Variants in MALRD1 observed in about 807,000 individuals in gnomAD.
The protein encoded by MALRD1 is MAM and LDL-receptor class A domain-containing protein 1.
A neutral mutation model predicts 242.1 loss-of-function variants in MALRD1; 247 were observed. The ratio of observed to expected loss-of-function variants is 1.02; its 90% CI spans 0.92 to 1.13. The LOEUF is 1.13. Ranked by LOEUF, MALRD1 falls within the 50% of genes most tolerant of loss-of-function variation. The probability of loss-of-function intolerance (pLI) is 0.00; values close to 1 mark genes in which losing one functional copy is unlikely to be tolerated. For synonymous variants in MALRD1, 995 were observed against 866.6 expected, an observed-to-expected ratio of 1.15 and a Z score of -2.60; for missense variants, 2,989 against 2,533.1, an observed-to-expected ratio of 1.18 and a Z score of -3.86.
chr10:19,477,977 C>T (rs568380917), intron 29 of MALRD1, among the ~76,000 whole-genome samples: 8 of 152,278 alleles, frequency 5.3e-5, no homozygotes, highest in South Asian at 2.1e-4. Flanking sequence ...GCACAGTTGC[C>T]GGCATTCGCC....
chr10:19,563,427 C>T (rs564576253), intron 32 of MALRD1, among the ~76,000 whole-genome samples: 1 of 152,252 alleles, frequency 6.6e-6, no homozygotes, highest in East Asian at 1.9e-4. Context: ...TAAGCAGTAA[C>T]TCACTTCATT....
intron 28 of MALRD1, among the ~76,000 whole-genome samples, chr10:19,423,087 C>A (rs553796750): frequency 6.6e-6 from 1 of 152,050 alleles, no homozygotes; most frequent in Non-Finnish European, 1.5e-5. Flanking sequence ...TGATATTAAC[C>A]AAAAAATGTG....
chr10:19,270,877 G>A (rs942039528), intron 19 of MALRD1, among the ~76,000 whole-genome samples: 2 of 150,990 alleles, frequency 1.3e-5, no homozygotes, highest in African/African-American at 4.9e-5. Flanking sequence ...CACTGCACCA[G>A]ATTCTGCAGT....
chr10:19,702,783 G>C (rs1441369997), intron 38 of MALRD1, among the ~76,000 whole-genome samples: 1 of 151,656 alleles, frequency 6.6e-6, no homozygotes, highest in Non-Finnish European at 1.5e-5. Context: ...CCAAAACCTT[G>C]AGATACACAG....
intron 36 of MALRD1, among the ~76,000 whole-genome samples, chr10:19,673,298 A>G (rs1842004114): frequency 6.6e-6 from 1 of 152,188 alleles, no homozygotes; most frequent in Non-Finnish European, 1.5e-5. Flanking sequence ...GAGGCAGGAG[A>G]ATGGGGTAAA....
chr10:19,568,548 T>C (rs1002331899), intron 33 of MALRD1, among the ~76,000 whole-genome samples: 1 of 152,100 alleles, frequency 6.6e-6, no homozygotes, highest in South Asian at 2.1e-4. Flanking sequence ...GCCTGCTTCC[T>C]CAGGAAGTCA....
At chr10:19,426,141 A>G (rs1005762702) in intron 28 of MALRD1, among the ~76,000 whole-genome samples, 3 of 152,194 alleles carry the variant, frequency 2.0e-5, no homozygotes, top group African/African-American at 7.2e-5. Context: ...TATGCCAAGC[A>G]TCATGTTAGA....
At chr10:19,535,510 C>T (rs1441142704) in intron 32 of MALRD1, among the ~76,000 whole-genome samples, 2 of 148,350 alleles carry the variant, frequency 1.3e-5, no homozygotes, top group African/African-American at 2.5e-5. Context: ...TATATATACA[C>T]ATATATACAT....
chr10:19,200,138 T>G (rs1156734372), intron 14 of MALRD1, among the ~76,000 whole-genome samples: 2 of 151,998 alleles, frequency 1.3e-5, no homozygotes, highest in Non-Finnish European at 2.9e-5. Context: ...AAAAGAATAA[T>G]AAAATAAAAC....
chr10:19,343,755 C>A (rs775596144), intron 24 of MALRD1, among the ~76,000 whole-genome samples: 1 of 152,086 alleles, frequency 6.6e-6, no homozygotes, highest in Admixed American at 6.6e-5. Flanking sequence ...TTTTCCAGAG[C>A]GATTGCATCG....
intron 38 of MALRD1, among the ~76,000 whole-genome samples, chr10:19,697,145 G>GAGAGAA (rs1015742550): frequency 6.6e-6 from 1 of 152,012 alleles, no homozygotes; most frequent in South Asian, 2.1e-4. Flanking sequence ...TAGAGACAGA[G>GAGAGAA]AGAGAAAGAG....
At chr10:19,195,370 G>C (rs549756213) in intron 14 of MALRD1, among the ~76,000 whole-genome samples, 1 of 151,936 alleles carries the variant, frequency 6.6e-6, no homozygotes, top group Non-Finnish European at 1.5e-5. Context: ...TGGCTCTGAC[G>C]TCTAGACCTT....
intron 18 of MALRD1, among the ~76,000 whole-genome samples, chr10:19,217,294 T>A (rs1837361380): frequency 6.6e-6 from 1 of 152,206 alleles, no homozygotes; most frequent in African/African-American, 2.4e-5. Flanking sequence ...GATTCCTGTG[T>A]GCCATAAATT....
intron 19 of MALRD1, among the ~76,000 whole-genome samples, chr10:19,273,532 G>C (rs1396554167): frequency 6.6e-6 from 1 of 152,116 alleles, no homozygotes; most frequent in Non-Finnish European, 1.5e-5. Context: ...ATCACATCCA[G>C]ATAAAAATAT....
At chr10:19,285,121 T>G (rs1187556836) in intron 21 of MALRD1, among the ~76,000 whole-genome samples, 5 of 139,882 alleles carry the variant, frequency 3.6e-5, no homozygotes, top group Admixed American at 2.2e-4. Flanking sequence ...CTTGTAAATT[T>G]GTTTGAGTTC....
At chr10:19,321,690 G>A (rs184182139) in intron 21 of MALRD1, among the ~76,000 whole-genome samples, 1 of 152,108 alleles carries the variant, frequency 6.6e-6, no homozygotes, top group East Asian at 1.9e-4. Flanking sequence ...GTAAACTATA[G>A]TCACTCTACT....
intron 18 of MALRD1, among the ~76,000 whole-genome samples, chr10:19,241,773 G>T (rs1838790422): frequency 6.6e-6 from 1 of 151,988 alleles, no homozygotes; most frequent in Admixed American, 6.6e-5. Flanking sequence ...ACTTGTCTCA[G>T]TGACTTTTGT....
chr10:19,339,346 T>C (rs993463488), intron 24 of MALRD1, among the ~76,000 whole-genome samples: 2 of 152,168 alleles, frequency 1.3e-5, no homozygotes, highest in Non-Finnish European at 2.9e-5. Context: ...CTTATATTTT[T>C]CTCGTGGCAT....
chr10:19,731,909 A>G (rs1433612588), intron 39 of MALRD1, among the ~76,000 whole-genome samples: 1 of 152,188 alleles, frequency 6.6e-6, no homozygotes, highest in African/African-American at 2.4e-5. Context: ...GTAGCAAGGT[A>G]TCAGGTCAGG....
Sources: gnomAD v4.1 joint callset for allele counts (sites outside exome capture counted in the v4.1 genomes callset) on GRCh38, gnomAD v4.1.1 for gene constraint, MANE v1.5 for transcripts, NCBI Gene and HGNC (gene_info 2026-07-23, HGNC 2026-07-21) for gene names.